PDE1C: variants seen among roughly 807,000 people sequenced by gnomAD.
PDE1C encodes the protein dual specificity calcium/calmodulin-dependent 3',5'-cyclic nucleotide phosphodiesterase 1C.
PDE1C carries 62 observed loss-of-function variants against 93.1 expected under a neutral mutation model. The ratio of observed to expected loss-of-function variants is 0.67; its 90% CI spans 0.54 to 0.82. The LOEUF is 0.82. Among genes scored for constraint, PDE1C ranks in the 40% least tolerant of loss-of-function variants. PDE1C has a pLI of 0.00. For missense variants in PDE1C, 742 were observed against 884.6 expected (o/e 0.84, Z 2.04); for synonymous variants, 325 against 310.1 (o/e 1.05, Z -0.50).
chr7:31,798,912 G>T (rs1785640813), intron 16 of PDE1C, among the ~76,000 whole-genome samples: 4 of 151,646 alleles, frequency 2.6e-5, no homozygotes, highest in African/African-American at 9.7e-5. Context: ...AGGTTTTGAG[G>T]TGTCTAAAAT....
At chr7:32,249,468 G>A (rs1275554753) in intron 1 of PDE1C, among the ~76,000 whole-genome samples, 1 of 152,006 alleles carries the variant, frequency 6.6e-6, no homozygotes, top group East Asian at 1.9e-4. Context: ...GATTGCATGG[G>A]ACACTGAGGG....
At chr7:31,829,415 C>T (rs1277130037) in intron 11 of PDE1C, among the ~76,000 whole-genome samples, 1 of 152,064 alleles carries the variant, frequency 6.6e-6, no homozygotes, top group Non-Finnish European at 1.5e-5. Flanking sequence ...TGAATTTGTT[C>T]ACCTAATACA....
At position 31,970,393 on chromosome 7, in the gene PDE1C, G is replaced by A. The variant is rs190965158; in HGVS notation, c.128+81161C>T. Among the ~76,000 whole-genome samples the A allele has an allele frequency of 1.9e-3, 289 of 152,224 alleles. 2 individuals are homozygous for A. The highest frequency in any genetic ancestry group is 6.5e-3 in the African/African-American group (271 of 41,544). On this transcript the variant is annotated intron_variant, in intron 2 of 17. Coordinates refer to ENST00000396191, the MANE Select transcript of PDE1C (RefSeq NM_001191057.4). ...ACAACCAACAATACAGAAAAGTCTC[G>A]GGCGGAGGGAGGAAAAGTGACAACA...
chr7:32,410,398 GGGA>G (rs1029629162), intron 1 of PDE1C, among the ~76,000 whole-genome samples: 1 of 151,614 alleles, frequency 6.6e-6, no homozygotes, highest in African/African-American at 2.4e-5. Context: ...GGGGTGGAGG[GGGA>G]GGAGGAGGAA....
the PDE1C span, among the ~76,000 whole-genome samples, chr7:31,673,975 T>G: frequency 5.3e-5 from 8 of 152,198 alleles, no homozygotes; most frequent in African/African-American, 1.4e-4. Flanking sequence ...TGCTGGGGCA[T>G]GCATTTCATT....
At chr7:31,722,193 C>T in the PDE1C span, among the ~76,000 whole-genome samples, 4 of 152,070 alleles carry the variant, frequency 2.6e-5, no homozygotes, top group Non-Finnish European at 5.9e-5. Context: ...CCAGTTCTCT[C>T]CACCCCTGCT....
intron 2 of PDE1C, among the ~76,000 whole-genome samples, chr7:32,185,520 A>C (rs1427508043): frequency 2.6e-5 from 4 of 152,134 alleles, no homozygotes; most frequent in Non-Finnish European, 4.4e-5. Context: ...TTATTTCACA[A>C]ATTTTTAAAA....
chr7:32,076,894 C>A (rs772996410), intron 3 of PDE1C, among the ~76,000 whole-genome samples: 3 of 150,420 alleles, frequency 2.0e-5, no homozygotes, highest in Non-Finnish European at 4.4e-5. Flanking sequence ...TAAAAGAATG[C>A]CAACTAATAA....
chr7:31,639,544 T>TTTTTTTTTTTG, the PDE1C span, among the ~76,000 whole-genome samples: 1 of 135,202 alleles, frequency 7.4e-6, no homozygotes, highest in Non-Finnish European at 1.6e-5. Flanking sequence ...TTTTGTTTTT[T>TTTTTTTTTTTG]TTTTTTTTTT....
At chr7:32,241,549 TA>T (rs943080644) in intron 1 of PDE1C, among the ~76,000 whole-genome samples, 8 of 151,620 alleles carry the variant, frequency 5.3e-5, no homozygotes, top group African/African-American at 1.9e-4. Flanking sequence ...AGTCTCCATG[TA>T]AAAAAAAATT....
Position 32,333,950 on chromosome 7 carries a change from A to G in PDE1C, c.310+93872T>C, listed in dbSNP as rs1203268729. 2.6e-5 allele frequency among the ~76,000 whole-genome samples: 4 copies of G among 152,218 alleles called. No homozygotes were observed. The East Asian group carries it at 7.7e-4, about 29-fold the overall frequency. ...TTCAGAAAATGTTGAAAAATATCCC[A>G]GACCCTGTCATTTCAGAAAGCAAAG... On this transcript the variant is annotated intron_variant, in intron 1 of 1. Coordinates refer to the PDE1C transcript ENST00000672256.
At position 32,272,456 on chromosome 7, in the gene PDE1C, T is replaced by C. The variant is rs558464554; in HGVS notation, c.85+26195A>G. 7.9e-5 allele frequency among the ~76,000 whole-genome samples: 12 copies of C among 152,370 alleles called. No homozygotes were observed. In the South Asian group the frequency reaches 2.5e-3, roughly 32 times the overall value. On this transcript the variant is annotated intron_variant, in intron 1 of 18. Coordinates refer to the PDE1C transcript ENST00000396193. ...GTCGTTCTCCCACTTAAGTGAATTC[T>C]GGAAACTCTAAACATTCATTTGCAC...
At chr7:32,028,892 T>A (rs900640702) in intron 2 of PDE1C, among the ~76,000 whole-genome samples, 7 of 152,242 alleles carry the variant, frequency 4.6e-5, no homozygotes, top group African/African-American at 1.7e-4. Context: ...TATCTGCTTC[T>A]ATGAGCTTCG....
chr7:32,138,354 A>T (rs1361662038), intron 3 of PDE1C, among the ~76,000 whole-genome samples: 1 of 152,206 alleles, frequency 6.6e-6, no homozygotes, highest in Non-Finnish European at 1.5e-5. Context: ...TGTGAAAGGG[A>T]TATTCCAATA....
chr7:32,120,834 C>T (rs769920302), intron 3 of PDE1C, among the ~76,000 whole-genome samples: 17 of 152,102 alleles, frequency 1.1e-4, no homozygotes, highest in Admixed American at 2.0e-4. Flanking sequence ...TCCAAATGAT[C>T]GCAGTGCCTC....
chr7:31,953,045 T>C (rs761208971), intron 2 of PDE1C, among the ~76,000 whole-genome samples: 1 of 152,194 alleles, frequency 6.6e-6, no homozygotes, highest in African/African-American at 2.4e-5. Flanking sequence ...TGCATGCTTT[T>C]CCACAGTAGG....
chr7:31,837,888 G>A lies in PDE1C; in HGVS notation c.1064C>T (p.Ala355Val), dbSNP rs998412454. Reference protein sequence around the residue: ...HFQQIKAMKTALQQPEAIEKP... With the variant: ...HFQQIKAMKTVLQQPEAIEKP... The stretch of plus-strand genomic sequence containing the variant: ...CACTTACGCTTCTGGCTGCTGCAGA[G>A]CAGTCTTCATTGCTTTGATTTGTTG... Residue 355 changes from alanine (A) to valine (V), a missense_variant, in exon 10 of 18, where the codon GCT becomes GTT. Physicochemically the swap from Ala to Val is moderately conservative, Grantham distance 64. Coordinates refer to ENST00000396191, the MANE Select transcript of PDE1C (RefSeq NM_001191057.4). 1 of 1,612,426 alleles carries A rather than the reference G, an allele frequency of 6.2e-7. No homozygotes were observed. Among genetic ancestry groups the A allele is most frequent in the Non-Finnish European group, 8.5e-7 (1 of 1,178,526 alleles).
Position 32,310,415 on chromosome 7 carries a change from A to G in PDE1C, c.311-100876T>C, listed in dbSNP as rs531354597. 2.6e-3 allele frequency among the ~76,000 whole-genome samples: 401 copies of G among 152,330 alleles called. 3 individuals are homozygous for G. The highest frequency in any genetic ancestry group is 9.0e-3 in the African/African-American group (373 of 41,570). The stretch of plus-strand genomic sequence containing the variant: ...CACCAAGCAGACCTGGTAGACATCT[A>G]CAGAACTCTCTACCCCAAATCAACA... On this transcript the variant is annotated intron_variant, in intron 1 of 1. Transcript: ENST00000672256.
intron 1 of PDE1C, among the ~76,000 whole-genome samples, chr7:32,065,061 G>C (rs55716635): frequency 3.8e-5 from 5 of 130,568 alleles, no homozygotes; most frequent in South Asian, 5.0e-4. Flanking sequence ...TGGGGGGGGG[G>C]GGGAGGAGCC....
Sources: allele counts gnomAD v4.1 joint callset (sites outside exome capture counted in the v4.1 genomes callset), GRCh38; gene constraint gnomAD v4.1.1; transcripts MANE v1.5; gene names NCBI Gene and HGNC (gene_info 2026-07-23, HGNC 2026-07-21).